Variants in GRID1 observed in about 807,000 individuals in gnomAD.
The protein encoded by GRID1 is glutamate receptor ionotropic, delta-1.
A neutral mutation model predicts 98.0 loss-of-function variants in GRID1; 28 were observed. That is an observed-to-expected ratio of 0.29 (90% CI 0.21 to 0.39). GRID1 has a LOEUF of 0.39. GRID1 is among the 10% of genes least tolerant of loss of function. The pLI is 1.00. For missense variants in GRID1, 1,111 were observed against 1,340.5 expected (o/e 0.83, Z 2.67); for synonymous variants, 553 against 538.5 (o/e 1.03, Z -0.37).
chr10:86,244,866 T>TA (rs1846696430), intron 2 of GRID1, among the ~76,000 whole-genome samples: 1 of 152,220 alleles, frequency 6.6e-6, no homozygotes, highest in Admixed American at 6.5e-5. Flanking sequence ...CATCCCCTAA[T>TA]TAACTGTGGT....
chr10:86,063,955 C>T (rs1589357984), intron 4 of GRID1, among the ~76,000 whole-genome samples: 1 of 152,294 alleles, frequency 6.6e-6, no homozygotes, highest in East Asian at 1.9e-4. Context: ...ACGCTATTTA[C>T]TACCTGGCCC....
intron 8 of GRID1, among the ~76,000 whole-genome samples, chr10:85,788,906 T>C (rs1044887828): frequency 6.6e-6 from 1 of 152,188 alleles, no homozygotes; most frequent in African/African-American, 2.4e-5. Flanking sequence ...TCGGGGTCAG[T>C]GGGAGGTAGG....
intron 4 of GRID1, among the ~76,000 whole-genome samples, chr10:85,954,977 T>C (rs1411538762): frequency 1.3e-5 from 2 of 152,150 alleles, no homozygotes; most frequent in Non-Finnish European, 2.9e-5. Context: ...TTGAAATAGG[T>C]CTAAAGGATT....
intron 4 of GRID1, among the ~76,000 whole-genome samples, chr10:85,920,028 T>C (rs1278104782): frequency 6.6e-6 from 1 of 152,004 alleles, no homozygotes; most frequent in South Asian, 2.1e-4. Context: ...GGGCCCAGAG[T>C]GCCACGAAAA....
chr10:85,599,802 A>AAAAAATAT lies in GRID1; in HGVS notation c.*2470_*2471insATATTTTT. 4.6e-3 allele frequency: 297 copies of AAAAAATAT among 64,982 alleles called. 11 individuals are homozygous for AAAAAATAT. The highest frequency in any genetic ancestry group is 0.026 in the African/African-American group (279 of 10,730). 4.0% of individuals were successfully genotyped at this position (64,982 alleles called of 1,614,324 possible). A position where few individuals can be genotyped will look rare whatever the true frequency, so the allele number is the denominator to read the frequency against. The stretch of plus-strand genomic sequence containing the variant: ...GTAGAAAATTCTAAAAAAAAAAAAA[A>AAAAAATAT]ATATATATATATATATATAAACATG... On this transcript the variant is annotated 3_prime_UTR_variant, in exon 16 of 16. Transcript: ENST00000327946.
At position 85,613,536 on chromosome 10, in the gene GRID1, T is replaced by G. The variant is rs904386314; in HGVS notation, c.2472A>C (p.Lys824Asn). ...CGGCGAAGCTGTGCAGCTTGAGGGA[T>G]TTGCCGTCGGCCTGGGCGCTGGCAT... ...TSHASAQADG[K>N]SLKLHSFAGV... Residue 824 changes from lysine (K) to asparagine (N), a missense_variant, in exon 15 of 16, where the codon AAA becomes AAC. Coordinates refer to ENST00000327946, the MANE Select transcript of GRID1 (RefSeq NM_017551.3). 6.2e-6 allele frequency: 10 copies of G among 1,614,066 alleles called. No individual in the cohort carries two copies. The highest frequency in any genetic ancestry group is 2.7e-5 in the African/African-American group (2 of 74,944).
intron 3 of GRID1, among the ~76,000 whole-genome samples, chr10:86,194,689 C>T (rs1486419100): frequency 2.0e-5 from 3 of 152,050 alleles, no homozygotes; most frequent in Non-Finnish European, 4.4e-5. Flanking sequence ...GGGTGGTCTC[C>T]CCTTCCACAT....
chr10:86,085,352 C>T (rs182357280), intron 4 of GRID1, among the ~76,000 whole-genome samples: 51 of 152,274 alleles, frequency 3.3e-4, no homozygotes, highest in East Asian at 9.7e-4. Flanking sequence ...CTCAGAAGGA[C>T]GGCGCAGGCA....
In GRID1 at chr10:85,602,369, C is replaced by G. The variant is rs755547963; in HGVS notation, c.2934G>C (p.Gln978His). ...HRSPNGGLFRQSPVKTPIPMS... is the reference protein window; with the variant it reads ...HRSPNGGLFRHSPVKTPIPMS... ...TGGGGATGGGGGTCTTCACCGGGCT[C>G]TGCCGGAACAGCCCCCCGTTGGGTG... Residue 978 changes from glutamine (Q) to histidine (H), a missense_variant, in exon 16 of 16, where the codon CAG (glutamine) becomes CAC (histidine). Transcript: ENST00000327946. 5.6e-6 allele frequency: 9 copies of G among 1,604,004 alleles called. No individual in the cohort carries two copies. Among genetic ancestry groups the G allele is most frequent in the Admixed American group, 1.7e-5 (1 of 59,656 alleles).
chr10:86,107,405 G>A (rs1844407557), intron 4 of GRID1, among the ~76,000 whole-genome samples: 2 of 152,182 alleles, frequency 1.3e-5, no homozygotes, highest in African/African-American at 4.8e-5. Context: ...CCTCACAAAT[G>A]TCAGTGGCAA....
At chr10:85,877,038 G>A (rs930828400) in intron 5 of GRID1, among the ~76,000 whole-genome samples, 70 of 152,338 alleles carry the variant, frequency 4.6e-4, no homozygotes, top group African/African-American at 1.4e-3. Flanking sequence ...ACTGCAAGGC[G>A]GCAGTAAGGC....
At chr10:85,965,234 C>T (rs1842321664) in intron 4 of GRID1, among the ~76,000 whole-genome samples, 1 of 152,190 alleles carries the variant, frequency 6.6e-6, no homozygotes, top group African/African-American at 2.4e-5. Context: ...GTGGCAATTC[C>T]TCAAGGATCT....
intron 4 of GRID1, among the ~76,000 whole-genome samples, chr10:86,046,463 C>G (rs117254073): frequency 6.6e-6 from 1 of 152,202 alleles, no homozygotes; most frequent in Non-Finnish European, 1.5e-5. Context: ...CCACTTGGGG[C>G]TTGCCTGCCC....
intron 2 of GRID1, among the ~76,000 whole-genome samples, chr10:86,319,394 C>T (rs1301262082): frequency 2.0e-5 from 3 of 152,174 alleles, no homozygotes; most frequent in Admixed American, 2.0e-4. Context: ...AGTGAGAGGG[C>T]CAAGGTCAGA....
intron 4 of GRID1, among the ~76,000 whole-genome samples, chr10:86,062,161 C>A (rs1843658091): frequency 6.6e-6 from 1 of 152,194 alleles, no homozygotes; most frequent in Non-Finnish European, 1.5e-5. Flanking sequence ...TGCTTTGCAT[C>A]TTACCCCCGG....
At chr10:85,763,814 C>A (rs1448345380) in intron 8 of GRID1, among the ~76,000 whole-genome samples, 3 of 152,184 alleles carry the variant, frequency 2.0e-5, no homozygotes, top group African/African-American at 2.4e-5. Context: ...TGAAGTAATT[C>A]TCTTCTACTC....
chr10:85,927,005 T>C lies in GRID1; in HGVS notation c.727-10766A>G, dbSNP rs895726074. 2.9e-4 allele frequency among the ~76,000 whole-genome samples: 44 copies of C among 152,330 alleles called. 1 individual carries two copies. The highest frequency in any genetic ancestry group is 2.9e-3 in the Admixed American group (44 of 15,306). On this transcript the variant is annotated intron_variant, in intron 4 of 15. Coordinates refer to ENST00000327946, the MANE Select transcript of GRID1 (RefSeq NM_017551.3). The stretch of plus-strand genomic sequence containing the variant: ...CAGCCCTCAATTAGCTTCATTTTCT[T>C]CCCTGAGTGTATTAACTAAATCATC...
intron 8 of GRID1, among the ~76,000 whole-genome samples, chr10:85,734,572 C>G (rs1275162249): frequency 6.6e-6 from 1 of 152,192 alleles, no homozygotes; most frequent in African/African-American, 2.4e-5. Flanking sequence ...AAAAATACTT[C>G]AAAGCAAAAA....
chr10:86,229,830 C>G (rs1376495962), intron 2 of GRID1, among the ~76,000 whole-genome samples: 1 of 152,212 alleles, frequency 6.6e-6, no homozygotes, highest in East Asian at 1.9e-4. Flanking sequence ...AGACACCTCT[C>G]CTTCAGATGA....
Sources: allele counts gnomAD v4.1 joint callset (sites outside exome capture counted in the v4.1 genomes callset), GRCh38; gene constraint gnomAD v4.1.1; transcripts MANE v1.5; gene names NCBI Gene and HGNC (gene_info 2026-07-23, HGNC 2026-07-21).